CAPNS1: variants seen among roughly 807,000 people sequenced by gnomAD.
CAPNS1 encodes CANP small subunit.
CAPNS1 carries 32 observed loss-of-function variants against 39.2 expected under a neutral mutation model. The ratio of observed to expected loss-of-function variants is 0.82; its 90% confidence interval spans 0.62 to 1.10. The LOEUF is 1.10. CAPNS1 is among the 50% of genes least tolerant of loss of function. The pLI, the probability that CAPNS1 is intolerant of heterozygous loss-of-function variation, is 0.00. For missense variants in CAPNS1, 353 were observed against 373.1 expected (o/e 0.95, Z 0.44); for synonymous variants, 153 against 136.2 (o/e 1.12, Z -0.86).
At chr19:36,148,627 A>G (rs892725724) in intron 9 of CAPNS1, among the ~76,000 whole-genome samples, 1 of 152,034 alleles carries the variant, frequency 6.6e-6, no homozygotes, top group African/African-American at 2.4e-5. Context: ...CCTGGCCAAC[A>G]TAGTGAAACC....
chr19:36,148,106 C>G (rs1408085581), intron 9 of CAPNS1: 2 of 151,958 alleles, frequency 1.3e-5, no homozygotes, highest in African/African-American at 4.8e-5. Context: ...AAAAAGATCC[C>G]TTGGCCTCCA....
chr19:36,142,396 G>T, intron 3 of CAPNS1, 63 bp downstream of exon 3: 1 of 832,708 alleles, frequency 1.2e-6, no homozygotes. Context: ...TCCCATCCCT[G>T]TTCCTGTAGA....
At chr19:36,146,973 T>C (rs17882060) in intron 9 of CAPNS1, among the ~76,000 whole-genome samples, 7,664 of 152,230 alleles carry the variant, frequency 0.05, 268 homozygotes, top group African/African-American at 0.098. Flanking sequence ...GCTTACCGAA[T>C]ACCTGGGAGT....
At chr19:36,149,747 G>C in intron 10 of CAPNS1, 66 bp from the exon 11 acceptor site, 1 of 1,590,254 alleles carries the variant, frequency 6.3e-7, no homozygotes, top group Non-Finnish European at 8.6e-7. Context: ...GCCGTCCCTG[G>C]GTGAGGGCAA....
In CAPNS1 at chr19:36,141,200, C is replaced by G. The variant is rs776082941; in HGVS notation, c.189C>G (p.Gly63=). ...GTGGAACGGCCATGCGCATCCTAGGCGGAGTCATCAGCGCCATCAGGTAAG... is the reference window on the plus strand; with the variant it reads ...GTGGAACGGCCATGCGCATCCTAGGGGGAGTCATCAGCGCCATCAGGTAAG... ...GGGGTAMRIL[G]GVISAISEAA... Residue 63 remains glycine, a synonymous_variant, in exon 2 of 11, where the codon GGC becomes GGG. Transcript: ENST00000246533. 5.4e-6 allele frequency: 8 copies of G among 1,478,454 alleles called. No homozygotes were observed. Among genetic ancestry groups the G allele is most frequent in the Non-Finnish European group, 6.2e-6 (7 of 1,120,910 alleles). 91.6% of individuals were successfully genotyped at this position (1,478,454 alleles called of 1,614,324 possible).
chr19:36,141,233 C>G lies in CAPNS1; in HGVS notation c.209+13C>G, dbSNP rs755060788. ...TCAGCGCCATCAGGTAAGGCGGAGA[C>G]TATCAGAGGGGCGGGGCCTGGGAAT... On this transcript the variant is annotated intron_variant, in intron 2 of 10. Coordinates refer to ENST00000246533, the MANE Select transcript of CAPNS1 (RefSeq NM_001749.4). The G allele has an allele frequency of 2.0e-6, 3 of 1,517,676 alleles. No homozygotes were observed. Among genetic ancestry groups the G allele is most frequent in the East Asian group, 5.4e-5 (2 of 36,876 alleles). 94.0% of individuals were successfully genotyped at this position (1,517,676 alleles called of 1,614,324 possible).
At chr19:36,143,258 G>A (rs1974445799) in intron 6 of CAPNS1, 130 bp downstream of exon 6, 6 of 811,838 alleles carry the variant, frequency 7.4e-6, no homozygotes, top group South Asian at 1.4e-5. Context: ...ACAGTCACCT[G>A]CAGACATGTG....
chr19:36,141,207 A>T lies in CAPNS1; in HGVS notation c.196A>T (p.Ile66Phe). Residue 66 changes from isoleucine (I) to phenylalanine (F), a missense_variant, in exon 2 of 11, where the codon ATC becomes TTC. Transcript: ENST00000246533. ...GTAMRILGGV[I>F]SAISEAAAQY... ...GGCCATGCGCATCCTAGGCGGAGTC[A>T]TCAGCGCCATCAGGTAAGGCGGAGA... 1 of 1,495,620 alleles carries T rather than the reference A, an allele frequency of 6.7e-7. No individual in the cohort carries two copies. Among genetic ancestry groups the T allele is most frequent in the Non-Finnish European group, 8.9e-7 (1 of 1,128,830 alleles). 92.6% of individuals were successfully genotyped at this position (1,495,620 alleles called of 1,614,324 possible).
rs558912658 is a variant in CAPNS1, at chr19:36,143,092, C to T, written c.420C>T (p.Gly140=). Residue 140 remains glycine (G), a synonymous_variant, in exon 6 of 11, where the codon GGC becomes GGT. Transcript: ENST00000246533. ...CTGATCTGAAGACTGATGGTTTTGG[C>T]ATTGACACATGTCGCAGCATGGTGG... ...RHPDLKTDGF[G]IDTCRSMVAV... 2.5e-4 allele frequency: 410 copies of T among 1,614,188 alleles called. 4 individuals are homozygous for T. In the South Asian group the frequency reaches 4.2e-3, roughly 17 times the overall value.
At chr19:36,149,551 G>A (rs919982261) in intron 9 of CAPNS1, 27 bp from the exon 10 acceptor site, 17 of 1,443,960 alleles carry the variant, frequency 1.2e-5, no homozygotes, top group East Asian at 5.3e-5. Context: ...CTTCCCTGCC[G>A]CCAAACCTCT....
At chr19:36,142,392 C>T in intron 3 of CAPNS1, 59 bp downstream of exon 3, 1 of 872,708 alleles carries the variant, frequency 1.1e-6, no homozygotes, top group South Asian at 1.6e-5. Context: ...GAGGTCCCAT[C>T]CCTGTTCCTG....
In CAPNS1 at chr19:36,149,976, C is replaced by A; in HGVS notation, c.*137C>A. 1 of 800,690 alleles carries A rather than the reference C, an allele frequency of 1.2e-6. No individual in the cohort carries two copies. The highest frequency in any genetic ancestry group is 1.8e-6 in the Non-Finnish European group (1 of 563,588). The allele number at this position is 800,690 out of a possible 1,614,324, so 49.6% of individuals were successfully genotyped here. A position where few individuals can be genotyped will look rare whatever the true frequency, so the allele number is the denominator to read the frequency against. On this transcript the variant is annotated 3_prime_UTR_variant, in exon 11 of 11. Coordinates refer to ENST00000246533, the MANE Select transcript of CAPNS1 (RefSeq NM_001749.4). ...CCCACAAGCTTTTGTTCTCTCAGTA[C>A]TTGTTACCCAGCTTCTCAACATCCA...
At position 36,145,820 on chromosome 19, in the gene CAPNS1, C is replaced by G; in HGVS notation, c.471C>G (p.Gly157=). 2 of 1,614,136 alleles carry G rather than the reference C, an allele frequency of 1.2e-6. No homozygotes were observed. The highest frequency in any genetic ancestry group is 1.7e-6 in the Non-Finnish European group (2 of 1,179,994). ...CCTCCCACCAGAGCGACACCACAGG[C>G]AAGCTGGGCTTTGAGGAATTCAAGT... ...MVAVMDSDTT[G]KLGFEEFKYL... Residue 157 remains glycine, a synonymous_variant, in exon 7 of 11, where the codon GGC becomes GGG. Transcript: ENST00000246533.
At chr19:36,146,141 T>C (rs2145929876) in intron 8 of CAPNS1, 55 bp from the exon 9 acceptor site, 2 of 1,577,514 alleles carry the variant, frequency 1.3e-6, no homozygotes, top group East Asian at 2.2e-5. Flanking sequence ...CTCCTGGGCA[T>C]GGGAGTGGGT....
rs879761970 is a variant in CAPNS1 at position 36,140,116 on chromosome 19, C to G, written c.-57C>G. 7 of 152,192 alleles carry G rather than the reference C, an allele frequency of 4.6e-5. No homozygotes were observed. Among genetic ancestry groups the G allele is most frequent in the Non-Finnish European group, 1.0e-4 (7 of 68,052 alleles). 9.4% of individuals were successfully genotyped at this position (152,192 alleles called of 1,614,324 possible). A position where few individuals can be genotyped will look rare whatever the true frequency, so the allele number is the denominator to read the frequency against. On this transcript the variant is annotated 5_prime_UTR_variant, in exon 1 of 11. Transcript: ENST00000246533. ...CCGGACGCTGCGGGAGGCCCGGGAG[C>G]GGCAGTGGAACCGACTCCCAGAACT...
chr19:36,148,992 A>G (rs1290381933), intron 9 of CAPNS1, among the ~76,000 whole-genome samples: 1 of 152,196 alleles, frequency 6.6e-6, no homozygotes, highest in African/African-American at 2.4e-5. Flanking sequence ...CTCTAGGGGC[A>G]GGAAGTAGAG....
rs1377381343 is a variant in CAPNS1, at chr19:36,141,068, G to A, written c.57G>A (p.Gly19=). The A allele has an allele frequency of 6.0e-6, 9 of 1,498,666 alleles. No homozygotes were observed. Among genetic ancestry groups the A allele is most frequent in the Middle Eastern group, 2.4e-4 (1 of 4,206 alleles). 92.8% of individuals were successfully genotyped at this position (1,498,666 alleles called of 1,614,324 possible). A position where few individuals can be genotyped will look rare whatever the true frequency, so the allele number is the denominator to read the frequency against. Residue 19 remains glycine (G), a synonymous_variant, in exon 2 of 11, where the codon GGG becomes GGA. Coordinates refer to ENST00000246533, the MANE Select transcript of CAPNS1 (RefSeq NM_001749.4). ...KGGGGGGGGG[G]GLGGGLGNVL... is the part of the protein sequence containing the mutation. ...GCGGCGGCGGCGGCGGGGGAGGCGG[G>A]GGCCTGGGTGGGGGCCTGGGAAATG...
At chr19:36,142,393 C>A in intron 3 of CAPNS1, 60 bp downstream of exon 3, 1 of 856,680 alleles carries the variant, frequency 1.2e-6, no homozygotes, top group South Asian at 1.6e-5. Context: ...AGGTCCCATC[C>A]CTGTTCCTGT....
chr19:36,142,466 T>C, intron 3 of CAPNS1, 133 bp downstream of exon 3: 1 of 685,378 alleles, frequency 1.5e-6, no homozygotes, highest in Admixed American at 2.5e-5. Context: ...CCATGCCGTG[T>C]CTGCAGCTTC....
Sources: allele counts gnomAD v4.1 joint callset (sites outside exome capture counted in the v4.1 genomes callset), GRCh38; gene constraint gnomAD v4.1.1; transcripts MANE v1.5; gene names NCBI Gene and HGNC (gene_info 2026-07-23, HGNC 2026-07-21).